DENND1A: variants seen among roughly 807,000 people sequenced by gnomAD.
DENND1A encodes the protein DENN domain containing 1A.
DENND1A carries 51 observed loss-of-function variants against 113.7 expected under a neutral mutation model. That is an observed-to-expected ratio of 0.45 (90% CI 0.36 to 0.57). The LOEUF (loss-of-function observed/expected upper bound fraction) is 0.57. Among genes scored for constraint, DENND1A ranks in the 20% least tolerant of loss-of-function variants. DENND1A has a pLI of 0.00. For missense variants in DENND1A, 1,258 were observed against 1,395.9 expected (o/e 0.90, Z 1.57); for synonymous variants, 565 against 570.8 (o/e 0.99, Z 0.14).
chr9:123,724,143 C>CAAG (rs2067528941), intron 5 of DENND1A, among the ~76,000 whole-genome samples: 1 of 152,140 alleles, frequency 6.6e-6, no homozygotes, highest in African/African-American at 2.4e-5. Context: ...GTGCTCACTC[C>CAAG]CATTCTTAGA....
chr9:123,654,896 A>C (rs2062852355), intron 8 of DENND1A, among the ~76,000 whole-genome samples: 1 of 152,192 alleles, frequency 6.6e-6, no homozygotes, highest in South Asian at 2.1e-4. Flanking sequence ...GCGGGGCCCC[A>C]GGAGCAGCTG....
intron 9 of DENND1A, among the ~76,000 whole-genome samples, chr9:123,641,586 A>G (rs2062030021): frequency 6.6e-6 from 1 of 152,180 alleles, no homozygotes; most frequent in Non-Finnish European, 1.5e-5. Context: ...CCAAGGCCCC[A>G]GTCAAAGCTC....
chr9:123,500,326 T>A (rs1449822993), intron 13 of DENND1A, among the ~76,000 whole-genome samples: 1 of 152,142 alleles, frequency 6.6e-6, no homozygotes. Context: ...TCCAATCACA[T>A]CAGCTTGGCA....
At chr9:123,507,445 A>G (rs528908639) in intron 13 of DENND1A, among the ~76,000 whole-genome samples, 8 of 152,170 alleles carry the variant, frequency 5.3e-5, no homozygotes, top group Non-Finnish European at 7.3e-5. Flanking sequence ...TAGCAGACCA[A>G]CTCATTCATT....
chr9:123,589,612 C>T (rs1318418777), intron 11 of DENND1A, among the ~76,000 whole-genome samples: 3 of 146,206 alleles, frequency 2.1e-5, no homozygotes, highest in African/African-American at 5.1e-5. Context: ...GCAAACCCTT[C>T]CCCCCACCAG....
At chr9:123,434,888 G>T (rs1316234225) in intron 19 of DENND1A, among the ~76,000 whole-genome samples, 1 of 152,226 alleles carries the variant, frequency 6.6e-6, no homozygotes, top group Non-Finnish European at 1.5e-5. Flanking sequence ...ACTACAGGGA[G>T]TACCAGTTAG....
At chr9:123,450,429 G>A (rs2047635242) in intron 18 of DENND1A, among the ~76,000 whole-genome samples, 1 of 152,232 alleles carries the variant, frequency 6.6e-6, no homozygotes, top group African/African-American at 2.4e-5. Flanking sequence ...GGCCTGGTGG[G>A]GTGGGCAAGG....
intron 2 of DENND1A, among the ~76,000 whole-genome samples, chr9:123,870,988 A>G (rs996261881): frequency 5.9e-5 from 9 of 152,326 alleles, no homozygotes; most frequent in South Asian, 4.1e-4. Context: ...GAATTTAATT[A>G]ATATCTCTCT....
intron 13 of DENND1A, among the ~76,000 whole-genome samples, chr9:123,502,130 T>G (rs1472664455): frequency 6.6e-6 from 1 of 152,128 alleles, no homozygotes; most frequent in African/African-American, 2.4e-5. Context: ...TATATCTACA[T>G]ATATATCTCC....
intron 20 of DENND1A, among the ~76,000 whole-genome samples, chr9:123,408,138 C>T (rs536123663): frequency 1.4e-4 from 21 of 152,338 alleles, no homozygotes; most frequent in Admixed American, 1.4e-3. Context: ...GGCTGCACTT[C>T]TGTCTGGAAA....
chr9:123,752,267 G>A (rs773504785), intron 5 of DENND1A, among the ~76,000 whole-genome samples: 2 of 152,066 alleles, frequency 1.3e-5, no homozygotes, highest in Non-Finnish European at 2.9e-5. Context: ...AACAAGTGAA[G>A]GCCAGAGACC....
chr9:123,602,710 G>A (rs916314743), intron 11 of DENND1A, among the ~76,000 whole-genome samples: 1 of 152,186 alleles, frequency 6.6e-6, no homozygotes, highest in Non-Finnish European at 1.5e-5. Context: ...TGTCACCCAG[G>A]CTGGAGTGCG....
At chr9:123,578,284 C>A (rs1589215220) in intron 12 of DENND1A, among the ~76,000 whole-genome samples, 2 of 152,122 alleles carry the variant, frequency 1.3e-5, no homozygotes, top group East Asian at 3.9e-4. Flanking sequence ...GGATAGTAGG[C>A]CTCACCTCAC....
At chr9:123,866,884 C>T (rs1331978157) in intron 2 of DENND1A, among the ~76,000 whole-genome samples, 1 of 152,178 alleles carries the variant, frequency 6.6e-6, no homozygotes, top group East Asian at 1.9e-4. Flanking sequence ...TCAAAGTCTA[C>T]AGACTGGCCA....
intron 13 of DENND1A, among the ~76,000 whole-genome samples, chr9:123,517,137 C>T (rs2054000966): frequency 6.7e-6 from 1 of 150,070 alleles, no homozygotes; most frequent in Non-Finnish European, 1.5e-5. Flanking sequence ...CCTGTAGTCC[C>T]AGCTACTCGG....
rs536975666 is a variant in DENND1A at position 123,390,472 on chromosome 9, C to G, written c.1632-2614G>C. Reference sequence around the variant, plus strand: ...AGGCAGAAAGTGTTTAAAATGATATCAACAAGCAGGTACCGTGCTTTATAG... The same window carrying G: ...AGGCAGAAAGTGTTTAAAATGATATGAACAAGCAGGTACCGTGCTTTATAG... On this transcript the variant is annotated intron_variant, in intron 21 of 23. Coordinates refer to ENST00000394215, the MANE Select transcript of DENND1A (RefSeq NM_001352964.2). 2.6e-5 allele frequency among the ~76,000 whole-genome samples: 4 copies of G among 152,340 alleles called. No individual in the cohort carries two copies. The South Asian group carries it at 8.3e-4, about 32-fold the overall frequency.
chr9:123,875,504 C>T (rs1847317056), intron 2 of DENND1A, among the ~76,000 whole-genome samples: 1 of 152,154 alleles, frequency 6.6e-6, no homozygotes, highest in Admixed American at 6.5e-5. Context: ...TTGTATTTTG[C>T]ATTCCATGGA....
At chr9:123,581,266 A>G (rs887866846) in intron 12 of DENND1A, among the ~76,000 whole-genome samples, 6 of 152,202 alleles carry the variant, frequency 3.9e-5, no homozygotes, top group African/African-American at 1.4e-4. Context: ...TTGTTGAATT[A>G]TAAGTGGAGC....
chr9:123,714,705 T>G (rs1162691459), intron 5 of DENND1A, among the ~76,000 whole-genome samples: 1 of 152,154 alleles, frequency 6.6e-6, no homozygotes, highest in Non-Finnish European at 1.5e-5. Context: ...TCACATACAT[T>G]CACGTGCCTT....
Sources: allele counts gnomAD v4.1 joint callset (sites outside exome capture counted in the v4.1 genomes callset), GRCh38; gene constraint gnomAD v4.1.1; transcripts MANE v1.5; gene names NCBI Gene and HGNC (gene_info 2026-07-23, HGNC 2026-07-21).